Variants in IQGAP2 observed in about 807,000 individuals in gnomAD.
IQGAP2 encodes the protein IQ motif containing GTPase activating protein 2, also known as ras GTPase-activating-like protein IQGAP2.
IQGAP2 carries 173 observed loss-of-function variants against 201.3 expected under a neutral mutation model. The ratio of observed to expected loss-of-function variants is 0.86; its 90% CI spans 0.76 to 0.98. The LOEUF (loss-of-function observed/expected upper bound fraction) is 0.98. Ranked by LOEUF, IQGAP2 falls within the 50% of genes least tolerant of loss-of-function variation. The pLI is 0.00. For synonymous variants in IQGAP2, 675 were observed against 673.9 expected (o/e 1.00, Z -0.03); for missense variants, 1,687 against 1,864.8 (o/e 0.90, Z 1.76).
rs368645682 is a variant in IQGAP2, at chr5:76,659,792, T to G, written c.2529+1125T>G. 2.5e-4 allele frequency among the ~76,000 whole-genome samples: 38 copies of G among 152,198 alleles called. No homozygotes were observed. The South Asian group carries it at 7.7e-3, about 31-fold the overall frequency. ...CAAGAGTGCCCTTCAATTGTTAAGA[T>G]ATTAAAAAACACCCCTACGTATTTC... On this transcript the variant is annotated intron_variant, in intron 21 of 35. Transcript: ENST00000274364.
chr5:76,697,974 C>G lies in IQGAP2; in HGVS notation c.4207-13C>G. 6.2e-7 allele frequency: 1 copy of G among 1,602,804 alleles called. No individual in the cohort carries two copies. Among genetic ancestry groups the G allele is most frequent in the Non-Finnish European group, 8.5e-7 (1 of 1,174,818 alleles). On this transcript the variant is annotated splice_polypyrimidine_tract_variant and intron_variant, in intron 32 of 35. Coordinates refer to ENST00000274364, the MANE Select transcript of IQGAP2 (RefSeq NM_006633.5). ...TTCTGCTTAAATATGATACCCCTTA[C>G]TTGTTGTTTTAGGATATTCGAAATC...
At chr5:76,592,128 A>G (rs1350481114) in intron 8 of IQGAP2, among the ~76,000 whole-genome samples, 1 of 152,142 alleles carries the variant, frequency 6.6e-6, no homozygotes, top group African/African-American at 2.4e-5. Context: ...AATCCCTCTT[A>G]AAGCTAGAGG....
chr5:76,689,230 TAAAAAAAAAAAAAAAA>T (rs11424254), intron 30 of IQGAP2, among the ~76,000 whole-genome samples: 1 of 86,492 alleles, frequency 1.2e-5, no homozygotes, highest in Non-Finnish European at 2.1e-5. Flanking sequence ...CAGGGATATT[TAAAAAAAAAAAAAAAA>T]AAAAAAAAAA....
intron 4 of IQGAP2, among the ~76,000 whole-genome samples, chr5:76,572,720 G>T (rs1032249754): frequency 6.6e-6 from 1 of 152,102 alleles, no homozygotes; most frequent in Non-Finnish European, 1.5e-5. Context: ...TTACAGGCAT[G>T]AGCCACCATG....
intron 2 of IQGAP2, among the ~76,000 whole-genome samples, chr5:76,486,056 G>A (rs62364799): frequency 0.079 from 12,053 of 152,172 alleles, 640 homozygotes; most frequent in Non-Finnish European, 0.11. Flanking sequence ...GCCAATTAAT[G>A]ATAGTTGCTA....
At chr5:76,580,371 C>T (rs1745761312) in intron 5 of IQGAP2, among the ~76,000 whole-genome samples, 1 of 151,594 alleles carries the variant, frequency 6.6e-6, no homozygotes, top group Non-Finnish European at 1.5e-5. Flanking sequence ...AGGCGGAGAT[C>T]ACAATAAGCC....
rs569600761 is a variant in IQGAP2, at chr5:76,472,855, G to A, written c.146+11186G>A. 2.6e-5 allele frequency among the ~76,000 whole-genome samples: 4 copies of A among 152,328 alleles called. No homozygotes were observed. The South Asian group carries it at 8.3e-4, about 32-fold the overall frequency. The stretch of plus-strand genomic sequence containing the variant: ...CAGGATCTTCAAAGTTGGAAACCTG[G>A]GAGAGGTTTGGAATTTTCCATGGTT... On this transcript the variant is annotated intron_variant, in intron 2 of 35. Transcript: ENST00000274364.
chr5:76,629,926 C>T (rs966719374), intron 14 of IQGAP2, among the ~76,000 whole-genome samples: 5 of 152,136 alleles, frequency 3.3e-5, no homozygotes, highest in African/African-American at 9.7e-5. Context: ...AACTTAGCTA[C>T]AACTCACAGA....
At chr5:76,505,648 A>G (rs887805571) in intron 2 of IQGAP2, among the ~76,000 whole-genome samples, 1 of 152,166 alleles carries the variant, frequency 6.6e-6, no homozygotes, top group Non-Finnish European at 1.5e-5. Context: ...TAACATTCCA[A>G]GTCCACTTTC....
intron 35 of IQGAP2, 48 bp from the exon 36 acceptor site, chr5:76,707,152 G>A (rs1181731090): frequency 1.1e-6 from 1 of 883,394 alleles, no homozygotes; most frequent in South Asian, 1.4e-5. Context: ...TTTTTTAAAT[G>A]CACAAAATGT....
rs1580860133 is a variant in IQGAP2, at chr5:76,701,006, G to A, written c.4368-70G>A. 2.0e-6 allele frequency: 3 copies of A among 1,509,064 alleles called. No individual in the cohort carries two copies. The East Asian group carries it at 6.9e-5, about 35-fold the overall frequency. 93.5% of individuals were successfully genotyped at this position (1,509,064 alleles called of 1,614,324 possible). A position where few individuals can be genotyped will look rare whatever the true frequency, so the allele number is the denominator to read the frequency against. ...TGAACAGCGATGTCACTCTGAGTAT[G>A]GTAATCGCACTACCAGAAGCCTCTG... On this transcript the variant is annotated intron_variant, in intron 33 of 35. Transcript: ENST00000274364.
intron 30 of IQGAP2, among the ~76,000 whole-genome samples, chr5:76,688,459 A>G (rs1745979424): frequency 6.6e-6 from 1 of 152,210 alleles, no homozygotes; most frequent in Non-Finnish European, 1.5e-5. Context: ...TCAGATGAAG[A>G]TGAAGATGAT....
intron 2 of IQGAP2, among the ~76,000 whole-genome samples, chr5:76,539,960 C>T (rs1400903092): frequency 6.6e-6 from 1 of 152,210 alleles, no homozygotes; most frequent in Admixed American, 6.5e-5. Context: ...CTAATACTTA[C>T]TGGCATTTGT....
At chr5:76,698,262 T>C in intron 33 of IQGAP2, 115 bp downstream of exon 33, 6 of 681,144 alleles carry the variant, frequency 8.8e-6, no homozygotes, top group Non-Finnish European at 1.4e-5. Flanking sequence ...CTCTGTCTTC[T>C]AACCGAAAAC....
chr5:76,580,270 C>T (rs1170821755), intron 5 of IQGAP2, among the ~76,000 whole-genome samples: 1 of 147,058 alleles, frequency 6.8e-6, no homozygotes, highest in Non-Finnish European at 1.5e-5. Context: ...AGGGAGACTC[C>T]ATCTCAATTA....
intron 2 of IQGAP2, among the ~76,000 whole-genome samples, chr5:76,485,492 G>A (rs1445325447): frequency 1.3e-5 from 2 of 152,058 alleles, no homozygotes; most frequent in Non-Finnish European, 1.5e-5. Flanking sequence ...CTTTTCTTTG[G>A]TTTCCTTGGA....
At chr5:76,541,490 A>C (rs1742770017) in intron 2 of IQGAP2, among the ~76,000 whole-genome samples, 1 of 152,204 alleles carries the variant, frequency 6.6e-6, no homozygotes, top group Admixed American at 6.5e-5. Context: ...GCTGCAGTTA[A>C]CATGGGGTGC....
chr5:76,483,940 T>C (rs1755954525), intron 2 of IQGAP2, among the ~76,000 whole-genome samples: 1 of 152,110 alleles, frequency 6.6e-6, no homozygotes, highest in East Asian at 1.9e-4. Context: ...TCCTTCTTCC[T>C]GAGAAGCCTT....
intron 2 of IQGAP2, among the ~76,000 whole-genome samples, chr5:76,505,796 C>G (rs1174680286): frequency 6.6e-6 from 1 of 152,124 alleles, no homozygotes; most frequent in African/African-American, 2.4e-5. Context: ...TTTATTCATT[C>G]AAGAAACTTT....
Sources: gnomAD v4.1 joint callset for allele counts (sites outside exome capture counted in the v4.1 genomes callset) on GRCh38, gnomAD v4.1.1 for gene constraint, MANE v1.5 for transcripts, NCBI Gene and HGNC (gene_info 2026-07-23, HGNC 2026-07-21) for gene names.